The following ARHGAP15 variants were observed in gnomAD, a reference collection of about 807,000 sequenced individuals.
The protein encoded by ARHGAP15 is rho GTPase-activating protein 15.
In ARHGAP15, 51 loss-of-function variants were observed where a neutral mutation model predicts 63.7. The observed-to-expected ratio is 0.80, with a 90% confidence interval of 0.64 to 1.01. The LOEUF (loss-of-function observed/expected upper bound fraction) is 1.01, where lower values mean the gene tolerates loss of function less well. Ranked by LOEUF, ARHGAP15 falls within the 50% of genes least tolerant of loss-of-function variation. ARHGAP15 has a pLI of 0.00. For synonymous variants in ARHGAP15, 191 were observed against 193.8 expected, an observed-to-expected ratio of 0.99 and a Z score of 0.12; for missense variants, 560 against 564.6, an observed-to-expected ratio of 0.99 and a Z score of 0.08.
chr2:143,343,924 G>A (rs1685165126), intron 6 of ARHGAP15: 2 of 152,000 alleles, frequency 1.3e-5, no homozygotes, highest in South Asian at 4.1e-4. Context: ...GACTTTTGCT[G>A]TCTGCCAAAA....
rs554689488 is a variant in ARHGAP15, at chr2:143,254,233, A to G, written c.474+3633A>G. ...AATCCTAAATGTCATTTACAGAGAG[A>G]TAGTTGTAATAACTAAATAAAACCA... On this transcript the variant is annotated intron_variant, in intron 6 of 13. Transcript: ENST00000295095. Among the ~76,000 whole-genome samples the G allele has an allele frequency of 2.0e-5, 3 of 152,234 alleles. No individual in the cohort carries two copies. The East Asian group carries it at 5.8e-4, about 29-fold the overall frequency.
At chr2:143,293,726 A>G (rs1318160936) in intron 6 of ARHGAP15, among the ~76,000 whole-genome samples, 1 of 151,982 alleles carries the variant, frequency 6.6e-6, no homozygotes, top group Non-Finnish European at 1.5e-5. Context: ...GAGGAAGGAA[A>G]CGGAAAGTAA....
At chr2:143,411,694 G>A (rs1011518617) in intron 6 of ARHGAP15, among the ~76,000 whole-genome samples, 7 of 152,004 alleles carry the variant, frequency 4.6e-5, no homozygotes. Flanking sequence ...GAGATACATT[G>A]GTAACTAAAA....
chr2:143,713,169 A>G (rs569318745), intron 13 of ARHGAP15, among the ~76,000 whole-genome samples: 1 of 152,344 alleles, frequency 6.6e-6, no homozygotes, highest in African/African-American at 2.4e-5. Context: ...AAGAAGTTTA[A>G]TTGGACTTAC....
intron 1 of ARHGAP15, among the ~76,000 whole-genome samples, chr2:143,145,311 A>G (rs776568068): frequency 6.6e-6 from 1 of 152,004 alleles, no homozygotes; most frequent in South Asian, 2.1e-4. Flanking sequence ...CACCTTATTT[A>G]CAAGTCCCAG....
chr2:143,348,819 T>C (rs566016638), intron 6 of ARHGAP15, among the ~76,000 whole-genome samples: 59 of 152,190 alleles, frequency 3.9e-4, no homozygotes, highest in Admixed American at 5.2e-4. Context: ...ACTGATCTTC[T>C]AGAAAATGCT....
chr2:143,625,211 GA>G (rs966377619), intron 12 of ARHGAP15, among the ~76,000 whole-genome samples: 14 of 148,124 alleles, frequency 9.5e-5, no homozygotes, highest in Admixed American at 3.4e-4. Flanking sequence ...AAATCTCCAA[GA>G]AAAAAAAAAC....
intron 1 of ARHGAP15, among the ~76,000 whole-genome samples, chr2:143,148,350 C>T (rs1689676552): frequency 6.6e-6 from 1 of 152,014 alleles, no homozygotes; most frequent in South Asian, 2.1e-4. Context: ...CTTTGCAGAA[C>T]CTGTGGGATG....
At chr2:143,384,830 C>T (rs569590042) in intron 6 of ARHGAP15, among the ~76,000 whole-genome samples, 35 of 152,212 alleles carry the variant, frequency 2.3e-4, no homozygotes, top group South Asian at 8.3e-4. Context: ...CTAACCTGTC[C>T]GGGGATACCT....
chr2:143,657,614 T>C (rs1681523278), intron 12 of ARHGAP15, among the ~76,000 whole-genome samples: 1 of 152,234 alleles, frequency 6.6e-6, no homozygotes, highest in Admixed American at 6.5e-5. Context: ...ACATGGCCTG[T>C]AATGTTTCAA....
chr2:143,560,412 A>G (rs970959515), intron 11 of ARHGAP15, among the ~76,000 whole-genome samples: 23 of 152,180 alleles, frequency 1.5e-4, no homozygotes, highest in Admixed American at 6.5e-5. Context: ...CATTTTACAG[A>G]TGTAAAAACT....
At position 143,627,188 on chromosome 2, in the gene ARHGAP15, T is replaced by A. The variant is rs1015074931; in HGVS notation, c.1138+2921T>A. Among the ~76,000 whole-genome samples, 3 of 152,300 alleles carry A rather than the reference T, an allele frequency of 2.0e-5. No homozygotes were observed. The South Asian group carries it at 6.2e-4, about 32-fold the overall frequency. ...ATTGCTAAATTTATGGCATTTTTTA[T>A]AGTAGGCCAAATGGACTAAGACACT... On this transcript the variant is annotated intron_variant, in intron 12 of 13. Coordinates refer to ENST00000295095, the MANE Select transcript of ARHGAP15 (RefSeq NM_018460.4).
intron 12 of ARHGAP15, among the ~76,000 whole-genome samples, chr2:143,650,454 A>C (rs970290844): frequency 3.3e-5 from 5 of 151,908 alleles, no homozygotes; most frequent in Admixed American, 6.6e-5. Flanking sequence ...TTCTGGTTCT[A>C]AAATGTGATG....
chr2:143,537,144 T>A (rs1694809261), intron 10 of ARHGAP15, among the ~76,000 whole-genome samples: 1 of 152,234 alleles, frequency 6.6e-6, no homozygotes. Flanking sequence ...ATGAGCATTT[T>A]TTCATGTGTT....
intron 10 of ARHGAP15, among the ~76,000 whole-genome samples, chr2:143,546,559 AC>A (rs973357648): frequency 1.3e-5 from 2 of 152,030 alleles, no homozygotes; most frequent in African/African-American, 4.8e-5. Context: ...CTTTCTTTAA[AC>A]CTGCTGTGGC....
intron 12 of ARHGAP15, among the ~76,000 whole-genome samples, chr2:143,631,938 G>T (rs914168333): frequency 6.6e-6 from 1 of 151,970 alleles, no homozygotes; most frequent in Non-Finnish European, 1.5e-5. Flanking sequence ...AGGCATTGCA[G>T]TTATTATTTT....
chr2:143,201,169 G>C (rs1338737563), intron 2 of ARHGAP15, among the ~76,000 whole-genome samples: 1 of 149,680 alleles, frequency 6.7e-6, no homozygotes, highest in East Asian at 2.0e-4. Flanking sequence ...GAGTGCAGTT[G>C]TGTGATCATA....
Position 143,228,644 on chromosome 2 carries a change from C to T in ARHGAP15, c.360C>T (p.Ser120=), listed in dbSNP as rs1693317231. ...SSRRIEFYKE[S]KQQALSNMKT... ...GAAGAATTGAATTTTACAAAGAATC[C>T]AAGCAACAGGCTCTGTCCAATATGG... The change falls in exon 5 of 14, where the codon TCC becomes TCT. Residue 120 remains serine, a synonymous_variant. Coordinates refer to ENST00000295095, the MANE Select transcript of ARHGAP15 (RefSeq NM_018460.4). 2 of 1,604,838 alleles carry T rather than the reference C, an allele frequency of 1.2e-6. No individual in the cohort carries two copies. The highest frequency in any genetic ancestry group is 1.1e-5 in the South Asian group (1 of 89,706).
intron 6 of ARHGAP15, among the ~76,000 whole-genome samples, chr2:143,365,659 C>G (rs1226603638): frequency 6.6e-6 from 1 of 152,144 alleles, no homozygotes; most frequent in Non-Finnish European, 1.5e-5. Flanking sequence ...ATAGAACTTC[C>G]CGAAATTGAA....
Sources: allele counts gnomAD v4.1 joint callset (sites outside exome capture counted in the v4.1 genomes callset), GRCh38; gene constraint gnomAD v4.1.1; transcripts MANE v1.5; gene names NCBI Gene and HGNC (gene_info 2026-07-23, HGNC 2026-07-21).